EPHB2: variants seen among roughly 807,000 people sequenced by gnomAD.
EPHB2 encodes the protein ephrin type-B receptor 2.
EPHB2 carries 18 observed loss-of-function variants against 96.4 expected under a neutral mutation model. The observed-to-expected ratio is 0.19, with a 90% confidence interval of 0.13 to 0.28. EPHB2 has a LOEUF of 0.28. Among genes scored for constraint, EPHB2 ranks in the 10% least tolerant of loss-of-function variants. The probability of loss-of-function intolerance (pLI) is 1.00; values close to 1 mark genes in which losing one functional copy is unlikely to be tolerated. For synonymous variants in EPHB2, 506 were observed against 534.1 expected (o/e 0.95, Z 0.72); for missense variants, 989 against 1,355.4 (o/e 0.73, Z 4.25).
intron 3 of EPHB2, among the ~76,000 whole-genome samples, chr1:22,803,792 T>C (rs1379912204): frequency 6.6e-6 from 1 of 151,236 alleles, no homozygotes; most frequent in African/African-American, 2.4e-5. Flanking sequence ...TGCATGTTTG[T>C]GGTTCCAGCT....
rs1273453569 is a variant in EPHB2, at chr1:22,916,024, G to GT, written c.*2455dup. On this transcript the variant is annotated 3_prime_UTR_variant, in exon 16 of 16. Transcript: ENST00000374630. This position sits in a 1 kb window ranked among gnomAD's most constrained non-coding sequence, Gnocchi z 4.2. ...GGGAAGGAAGGGATTAGAGAGAAGT[G>GT]TGGGCCCCCCATGGGGACAGCAGGG... 6.6e-6 allele frequency: 1 copy of GT among 152,410 alleles called. No individual in the cohort carries two copies. The highest frequency in any genetic ancestry group is 1.5e-5 in the Non-Finnish European group (1 of 68,184). 9.4% of individuals were successfully genotyped at this position (152,410 alleles called of 1,614,324 possible).
chr1:22,756,543 A>C (rs1175344933), intron 1 of EPHB2, among the ~76,000 whole-genome samples: 2 of 151,920 alleles, frequency 1.3e-5, no homozygotes, highest in African/African-American at 4.8e-5. Context: ...TGGGTTGAGC[A>C]GGCCTGGCCG....
intron 1 of EPHB2, among the ~76,000 whole-genome samples, chr1:22,723,461 C>CT (rs1643515270): frequency 6.6e-6 from 1 of 152,262 alleles, no homozygotes; most frequent in Non-Finnish European, 1.5e-5. Context: ...GGCTCCTGAG[C>CT]TGCCAAGGAG....
chr1:22,884,303 C>T (rs1378096094), intron 6 of EPHB2, among the ~76,000 whole-genome samples: 2 of 151,544 alleles, frequency 1.3e-5, no homozygotes, highest in South Asian at 4.2e-4. Flanking sequence ...GTCAGGAGTT[C>T]GAGACCAGCC....
At chr1:22,783,396 G>A (rs1472784603) in intron 2 of EPHB2, among the ~76,000 whole-genome samples, 1 of 152,224 alleles carries the variant, frequency 6.6e-6, no homozygotes, top group East Asian at 1.9e-4. Context: ...CACGGGAGAA[G>A]GACAGGAGGG....
intron 1 of EPHB2, among the ~76,000 whole-genome samples, chr1:22,732,192 A>G (rs1643732649): frequency 6.6e-6 from 1 of 152,162 alleles, no homozygotes; most frequent in African/African-American, 2.4e-5. Context: ...TGAGGATGAC[A>G]TAAGAACCCA....
intron 5 of EPHB2, among the ~76,000 whole-genome samples, chr1:22,870,696 C>A (rs1445321881): frequency 6.6e-6 from 1 of 152,194 alleles, no homozygotes; most frequent in Non-Finnish European, 1.5e-5. Context: ...CCGGACACAG[C>A]CTAAGCCCTT....
chr1:22,867,739 G>A (rs556783231), intron 5 of EPHB2, among the ~76,000 whole-genome samples: 1 of 152,320 alleles, frequency 6.6e-6, no homozygotes, highest in South Asian at 2.1e-4. Context: ...AGGCGTGGTG[G>A]TGAGCACCTG....
At chr1:22,873,239 C>T (rs572040789) in intron 5 of EPHB2, among the ~76,000 whole-genome samples, 10 of 152,266 alleles carry the variant, frequency 6.6e-5, no homozygotes, top group Admixed American at 2.0e-4. Flanking sequence ...TCATCTGCTC[C>T]GGGTCACTCG....
At chr1:22,826,522 A>AG (rs1354533947) in intron 3 of EPHB2, among the ~76,000 whole-genome samples, 4 of 152,212 alleles carry the variant, frequency 2.6e-5, no homozygotes, top group Admixed American at 6.5e-5. Flanking sequence ...TGATCTCTCA[A>AG]GGGGGAAGGC....
At chr1:22,734,661 T>A (rs941320302) in intron 1 of EPHB2, among the ~76,000 whole-genome samples, 1 of 152,074 alleles carries the variant, frequency 6.6e-6, no homozygotes, top group African/African-American at 2.4e-5. Context: ...ACCTCAGGCA[T>A]CTGCCTGCCT....
chr1:22,785,168 A>T (rs1644593429), intron 3 of EPHB2, 92 bp downstream of exon 3: 1 of 1,504,448 alleles, frequency 6.6e-7, no homozygotes, highest in Admixed American at 2.0e-5. Flanking sequence ...TGGCCTCTGA[A>T]GCTTAGAGCT....
At chr1:22,767,026 C>G (rs1014532477) in intron 1 of EPHB2, among the ~76,000 whole-genome samples, 3 of 152,334 alleles carry the variant, frequency 2.0e-5, no homozygotes, top group East Asian at 3.9e-4. Flanking sequence ...AGGAACAAGG[C>G]CGGGTCTGCC....
intron 3 of EPHB2, among the ~76,000 whole-genome samples, chr1:22,842,921 G>A (rs993963570): frequency 1.3e-5 from 2 of 151,992 alleles, no homozygotes; most frequent in Non-Finnish European, 1.5e-5. Flanking sequence ...CTGACCACCA[G>A]CCAAAGCAGC....
At chr1:22,884,264 G>A (rs1261633744) in intron 6 of EPHB2, among the ~76,000 whole-genome samples, 1 of 152,198 alleles carries the variant, frequency 6.6e-6, no homozygotes, top group Non-Finnish European at 1.5e-5. Flanking sequence ...CCAGCACTTT[G>A]GGAGGCTGAG....
In EPHB2 at chr1:22,744,837, A is replaced by G. The variant is rs149586957; in HGVS notation, c.61+33794A>G. ...CACAGCACTACAGACTGGGTGACAG[A>G]GTGAGACTGTGTCTCAAAAAAAGAA... On this transcript the variant is annotated intron_variant, in intron 1 of 15. Coordinates refer to ENST00000374630, the MANE Select transcript of EPHB2 (RefSeq NM_017449.5). 7.9e-5 allele frequency among the ~76,000 whole-genome samples: 12 copies of G among 152,138 alleles called. No homozygotes were observed. The East Asian group carries it at 2.3e-3, about 29-fold the overall frequency.
chr1:22,870,730 C>G (rs1411142489), intron 5 of EPHB2, among the ~76,000 whole-genome samples: 1 of 152,176 alleles, frequency 6.6e-6, no homozygotes, highest in Non-Finnish European at 1.5e-5. Flanking sequence ...CTGAGCAAGC[C>G]CAGAACACCC....
At chr1:22,735,095 G>T (rs913724389) in intron 1 of EPHB2, among the ~76,000 whole-genome samples, 1 of 152,152 alleles carries the variant, frequency 6.6e-6, no homozygotes, top group African/African-American at 2.4e-5. Flanking sequence ...TGTGGGGCAT[G>T]GTGTGGGAGC....
chr1:22,895,926 G>T (rs1213790023), intron 8 of EPHB2, among the ~76,000 whole-genome samples: 1 of 152,216 alleles, frequency 6.6e-6, no homozygotes, highest in East Asian at 1.9e-4. Flanking sequence ...ATGAGTTCAG[G>T]CCCCCTGGCT....
Sources: allele counts gnomAD v4.1 joint callset (sites outside exome capture counted in the v4.1 genomes callset), GRCh38; gene constraint gnomAD v4.1.1; non-coding constraint Gnocchi (gnomAD v3.1); transcripts MANE v1.5; gene names NCBI Gene and HGNC (gene_info 2026-07-23, HGNC 2026-07-21).